COL4A2: variants seen among roughly 807,000 people sequenced by gnomAD.
The protein encoded by COL4A2 is collagen alpha-2(IV) chain.
A neutral mutation model predicts 200.2 loss-of-function variants in COL4A2; 99 were observed. The observed-to-expected ratio is 0.49, with a 90% CI of 0.42 to 0.58. COL4A2 has a LOEUF of 0.58. Ranked by LOEUF, COL4A2 falls within the 20% of genes least tolerant of loss-of-function variation. The pLI, the probability that COL4A2 is intolerant of heterozygous loss-of-function variation, is 0.00. For missense variants in COL4A2, 1,950 were observed against 2,314.1 expected, an observed-to-expected ratio of 0.84 and a Z score of 3.23; for synonymous variants, 897 against 900.6, an observed-to-expected ratio of 1.00 and a Z score of 0.07.
chr13:110,487,934 G>C (rs1883164840), intron 34 of COL4A2, among the ~76,000 whole-genome samples: 1 of 152,206 alleles, frequency 6.6e-6, no homozygotes, highest in African/African-American at 2.4e-5. Context: ...CTTCAGAAAA[G>C]TAAGCTTTGA....
chr13:110,465,705 C>G, intron 25 of COL4A2, 99 bp downstream of exon 25: 1 of 1,132,704 alleles, frequency 8.8e-7, no homozygotes, highest in Non-Finnish European at 1.2e-6. Flanking sequence ...GATGAGGATG[C>G]TGTTTTGCCT....
At chr13:110,396,410 C>T (rs139042435) in intron 4 of COL4A2, among the ~76,000 whole-genome samples, 18 of 152,310 alleles carry the variant, frequency 1.2e-4, no homozygotes, top group South Asian at 6.2e-4. Context: ...AATGGGGGAG[C>T]GTGCACAGTC....
At chr13:110,405,749 T>C (rs980902157) in intron 4 of COL4A2, among the ~76,000 whole-genome samples, 2 of 152,182 alleles carry the variant, frequency 1.3e-5, no homozygotes, top group African/African-American at 4.8e-5. Context: ...TGGTTTTTGG[T>C]TTCTGGGGTT....
chr13:110,433,938 T>A (rs1880777387), intron 11 of COL4A2, among the ~76,000 whole-genome samples: 1 of 152,224 alleles, frequency 6.6e-6, no homozygotes. Flanking sequence ...TTCTGATTGA[T>A]TTTAAATTTC....
At chr13:110,435,655 T>C (rs891860853) in intron 12 of COL4A2, among the ~76,000 whole-genome samples, 3 of 152,218 alleles carry the variant, frequency 2.0e-5, no homozygotes, top group African/African-American at 7.2e-5. Context: ...TTCTTTTGTG[T>C]CAATCAGTTT....
chr13:110,412,651 T>A (rs1879887334), intron 4 of COL4A2, among the ~76,000 whole-genome samples: 1 of 152,240 alleles, frequency 6.6e-6, no homozygotes, highest in Non-Finnish European at 1.5e-5. Flanking sequence ...TTTACGCCCC[T>A]GAGTCACAGT....
intron 41 of COL4A2, 115 bp downstream of exon 41, chr13:110,501,899 G>C: frequency 2.9e-6 from 3 of 1,042,386 alleles, no homozygotes; most frequent in Non-Finnish European, 4.3e-6. Context: ...CCAGACTCCG[G>C]TCAAAGAGGC....
At chr13:110,363,652 T>C (rs1877614736) in intron 4 of COL4A2, among the ~76,000 whole-genome samples, 3 of 152,142 alleles carry the variant, frequency 2.0e-5, no homozygotes, top group African/African-American at 4.8e-5. Flanking sequence ...CACGCAGATA[T>C]GAAGCAAAGC....
At chr13:110,465,367 A>G in intron 24 of COL4A2, 38 bp from the exon 25 acceptor site, 5 of 1,561,554 alleles carry the variant, frequency 3.2e-6, no homozygotes, top group South Asian at 2.4e-5. Flanking sequence ...CTTTAACATT[A>G]GTATATATTT....
chr13:110,382,356 A>T (rs1436110644), intron 4 of COL4A2, among the ~76,000 whole-genome samples: 1 of 152,242 alleles, frequency 6.6e-6, no homozygotes, highest in East Asian at 1.9e-4. Context: ...GACTTGCAAG[A>T]CTTGAAGTTT....
chr13:110,420,603 T>C (rs1427302257), intron 4 of COL4A2, among the ~76,000 whole-genome samples: 1 of 152,240 alleles, frequency 6.6e-6, no homozygotes, highest in Non-Finnish European at 1.5e-5. Context: ...GGGAGTAATT[T>C]TTATTTTTAA....
At chr13:110,312,097 A>G (rs1043580297) in intron 3 of COL4A2, among the ~76,000 whole-genome samples, 3 of 152,210 alleles carry the variant, frequency 2.0e-5, no homozygotes, top group Non-Finnish European at 4.4e-5. Context: ...CTGAAGCGCT[A>G]TTGCTCAAAA....
At chr13:110,438,861 G>A (rs1030759585) in intron 15 of COL4A2, among the ~76,000 whole-genome samples, 193 bp downstream of exon 15, 11 of 148,820 alleles carry the variant, frequency 7.4e-5, no homozygotes, top group Non-Finnish European at 1.3e-4. Flanking sequence ...ACTGGGGGCT[G>A]CGCTGGCTAC....
intron 4 of COL4A2, among the ~76,000 whole-genome samples, chr13:110,405,731 T>A (rs1254673499): frequency 6.6e-6 from 1 of 152,178 alleles, no homozygotes; most frequent in African/African-American, 2.4e-5. Context: ...CCACCTCACT[T>A]TTTCCCTTGG....
At chr13:110,351,118 G>A (rs571491002) in intron 3 of COL4A2, among the ~76,000 whole-genome samples, 12 of 151,938 alleles carry the variant, frequency 7.9e-5, no homozygotes, top group South Asian at 6.3e-4. Flanking sequence ...GCGTAATCTC[G>A]GCTCACTGCA....
At chr13:110,373,857 T>A (rs1566498890) in intron 4 of COL4A2, among the ~76,000 whole-genome samples, 1 of 152,258 alleles carries the variant, frequency 6.6e-6, no homozygotes, top group Non-Finnish European at 1.5e-5. Context: ...ATCGGGCACA[T>A]GCCAAGGGGC....
At chr13:110,334,965 G>C (rs1876108282) in intron 3 of COL4A2, among the ~76,000 whole-genome samples, 1 of 152,172 alleles carries the variant, frequency 6.6e-6, no homozygotes, top group South Asian at 2.1e-4. Context: ...GGAGGAGGAA[G>C]ATAAAGAGCT....
At chr13:110,429,836 A>G in intron 7 of COL4A2, 49 bp from the exon 8 acceptor site, 2 of 1,575,368 alleles carry the variant, frequency 1.3e-6, no homozygotes, top group African/African-American at 1.3e-5. Context: ...CCGAATGTTA[A>G]TGGACTCTTT....
chr13:110,470,883 G>C (rs1368013186), intron 28 of COL4A2, among the ~76,000 whole-genome samples: 1 of 152,162 alleles, frequency 6.6e-6, no homozygotes, highest in Non-Finnish European at 1.5e-5. Flanking sequence ...CCCTGACCCT[G>C]TTTCCTTTCA....
Sources: gnomAD v4.1 joint callset for allele counts (sites outside exome capture counted in the v4.1 genomes callset) on GRCh38, gnomAD v4.1.1 for gene constraint, MANE v1.5 for transcripts, NCBI Gene and HGNC (gene_info 2026-07-23, HGNC 2026-07-21) for gene names.